RSPO4: variants seen among roughly 807,000 people sequenced by gnomAD.
RSPO4 encodes R-spondin-4.
In RSPO4, 23 loss-of-function variants were observed where a neutral mutation model predicts 24.8. That is an observed-to-expected ratio of 0.93 (90% CI 0.67 to 1.31). The LOEUF (loss-of-function observed/expected upper bound fraction) is 1.31. Ranked by LOEUF, RSPO4 falls within the 40% of genes most tolerant of loss-of-function variation. The probability of loss-of-function intolerance (pLI) is 0.00; values close to 1 mark genes in which losing one functional copy is unlikely to be tolerated. For missense variants in RSPO4, 333 were observed against 316.5 expected (o/e 1.05, Z -0.39); for synonymous variants, 141 against 127.4 (o/e 1.11, Z -0.72).
chr20:967,612 A>G (rs1187631265), intron 2 of RSPO4, among the ~76,000 whole-genome samples: 2 of 152,208 alleles, frequency 1.3e-5, no homozygotes, highest in Non-Finnish European at 2.9e-5. Context: ...AGAAATAGTG[A>G]TAATTTGCCC....
At chr20:975,976 T>C (rs1326824480) in intron 1 of RSPO4, among the ~76,000 whole-genome samples, 1 of 152,152 alleles carries the variant, frequency 6.6e-6, no homozygotes, top group African/African-American at 2.4e-5. Flanking sequence ...GAATGATGTG[T>C]TTTCTGCCCT....
intron 1 of RSPO4, among the ~76,000 whole-genome samples, chr20:973,459 A>ATTGTTTGTTTGTTTGTTTGT (rs138891857): frequency 1.3e-5 from 2 of 150,522 alleles, no homozygotes; most frequent in African/African-American, 4.9e-5. Context: ...TGTTTGTTTT[A>ATTGTTTGTTTGTTTGTTTGT]TTGTTTGTTT....
intron 1 of RSPO4, among the ~76,000 whole-genome samples, chr20:993,938 C>A (rs950443801): frequency 2.0e-5 from 3 of 152,140 alleles, no homozygotes; most frequent in African/African-American, 7.2e-5. Context: ...AGGATTTGAA[C>A]CTTGGCTGAG....
Position 960,389 on chromosome 20 carries a change from C to T in RSPO4, c.673G>A (p.Val225Met), listed in dbSNP as rs768182696. The T allele has an allele frequency of 1.5e-5, 23 of 1,538,308 alleles. No homozygotes were observed. The highest frequency in any genetic ancestry group is 2.4e-5 in the South Asian group (2 of 84,122). Reference protein sequence around the residue: ...KDRKLDRRLDVRPRQPGLQP With the variant: ...KDRKLDRRLDMRPRQPGLQP ...TGCAGGCCGGGCTGGCGCGGCCTCA[C>T]GTCCAGCCTGCGGTCCAGCTTCCTG... is the stretch of plus-strand genomic sequence containing the variant. Residue 225 changes from valine (V) to methionine (M), a missense_variant, in exon 5 of 5, where the codon GTG (valine) becomes ATG (methionine). Val to Met is a conservative substitution (Grantham distance 21). Transcript: ENST00000217260.
chr20:959,425 A>C lies in RSPO4; in HGVS notation c.*932T>G, dbSNP rs1182626593. The C allele has an allele frequency of 2.0e-5, 3 of 152,440 alleles. No homozygotes were observed. The highest frequency in any genetic ancestry group is 4.4e-5 in the Non-Finnish European group (3 of 68,204). The allele number at this position is 152,440 out of a possible 1,614,324, so 9.4% of individuals were successfully genotyped here. A position where few individuals can be genotyped will look rare whatever the true frequency, so the allele number is the denominator to read the frequency against. On this transcript the variant is annotated 3_prime_UTR_variant, in exon 5 of 5. Transcript: ENST00000217260. ...AGACCTGTTTCCCCACATGGGCAGG[A>C]AGCGCTGAGGTGGGGAACAGAGCTG...
chr20:964,172 G>A (rs1177394344), intron 3 of RSPO4, 52 bp from the exon 4 acceptor site: 5 of 1,491,514 alleles, frequency 3.4e-6, no homozygotes, highest in South Asian at 2.5e-5. Context: ...TCAGCCGGCA[G>A]TGAGGGTCCT....
chr20:979,707 C>G (rs186566461), intron 1 of RSPO4, among the ~76,000 whole-genome samples: 12 of 152,256 alleles, frequency 7.9e-5, no homozygotes, highest in African/African-American at 2.4e-4. Context: ...AACTAATAAC[C>G]CTTTACCAAC....
At chr20:983,778 A>C (rs1475687941) in intron 1 of RSPO4, among the ~76,000 whole-genome samples, 2 of 152,194 alleles carry the variant, frequency 1.3e-5, no homozygotes, top group Non-Finnish European at 2.9e-5. Context: ...AGCTGCTAGC[A>C]GTTGTGGATC....
intron 1 of RSPO4, among the ~76,000 whole-genome samples, chr20:976,229 T>C (rs1984555670): frequency 1.3e-5 from 2 of 152,220 alleles, no homozygotes; most frequent in East Asian, 3.9e-4. Flanking sequence ...CTCACCATCA[T>C]GACACACAGT....
intron 3 of RSPO4, 79 bp downstream of exon 3, chr20:967,095 G>T: frequency 7.0e-7 from 1 of 1,422,112 alleles, no homozygotes. Flanking sequence ...TTTCTTCCAG[G>T]GCCCCTAACA....
intron 4 of RSPO4, 72 bp from the exon 5 acceptor site, chr20:960,538 T>G (rs2122203479): frequency 8.5e-7 from 1 of 1,173,374 alleles, no homozygotes; most frequent in Admixed American, 2.0e-5. Context: ...TCCTCAGTCC[T>G]GAAAGACAAG....
intron 3 of RSPO4, among the ~76,000 whole-genome samples, chr20:964,805 T>TACAC (rs1296396413): frequency 3.3e-4 from 29 of 89,002 alleles, no homozygotes; most frequent in Admixed American, 5.5e-4. Context: ...TATACACACA[T>TACAC]ACACACACAC....
intron 4 of RSPO4, among the ~76,000 whole-genome samples, chr20:961,380 C>T (rs1248416166): frequency 6.6e-6 from 1 of 152,204 alleles, no homozygotes; most frequent in African/African-American, 2.4e-5. Flanking sequence ...AGGTGCGCAG[C>T]GAGGCTGTTA....
chr20:972,456 A>G (rs1176199033), intron 1 of RSPO4, among the ~76,000 whole-genome samples: 1 of 152,200 alleles, frequency 6.6e-6, no homozygotes, highest in African/African-American at 2.4e-5. Flanking sequence ...TTATGCCCTG[A>G]CCAATGGGAT....
At chr20:979,707 C>T (rs186566461) in intron 1 of RSPO4, among the ~76,000 whole-genome samples, 1 of 152,138 alleles carries the variant, frequency 6.6e-6, no homozygotes, top group African/African-American at 2.4e-5. Context: ...AACTAATAAC[C>T]CTTTACCAAC....
rs1555797904 is a variant in RSPO4, at chr20:998,985, C to CTCTTTT, written c.79+3100_79+3101insAAAAGA. On this transcript the variant is annotated intron_variant, in intron 1 of 4. Transcript: ENST00000217260. Reference sequence around the variant, plus strand: ...GGGAAAGGTCACTCTCTCTCGCTCTCTTTTTTTTTTTTTTTTTTTGAGACA... The same window carrying CTCTTTT: ...GGGAAAGGTCACTCTCTCTCGCTCTCTCTTTTTTTTTTTTTTTTTTTTTTTGAGACA... Among the ~76,000 whole-genome samples the CTCTTTT allele has an allele frequency of 6.8e-5, 9 of 131,834 alleles. No individual in the cohort carries two copies. In the South Asian group the frequency reaches 7.1e-4, roughly 10 times the overall value. 86.5% of individuals were successfully genotyped at this position (131,834 alleles called of 152,430 possible).
rs564534973 is a variant in RSPO4 at position 967,229 on chromosome 20, A to G, written c.354T>C (p.Cys118=). The G allele has an allele frequency of 1.3e-5, 21 of 1,614,196 alleles. No homozygotes were observed. The South Asian group carries it at 2.3e-4, about 18-fold the overall frequency. Residue 118 remains cysteine (C), a synonymous_variant, in exon 3 of 5, where the codon TGT becomes TGC. Coordinates refer to ENST00000217260, the MANE Select transcript of RSPO4 (RefSeq NM_001029871.4). ...AAGTGCCCGGCGGGCAGGTGGGCAG[A>G]CACTTCCCCTTGTACAAGTAAAACT... ...KRQFYLYKGK[C]LPTCPPGTLA... is the part of the protein sequence containing the mutation.
At chr20:962,178 T>C (rs1984019562) in intron 4 of RSPO4, among the ~76,000 whole-genome samples, 1 of 152,172 alleles carries the variant, frequency 6.6e-6, no homozygotes, top group East Asian at 1.9e-4. Context: ...AAACAGACGC[T>C]GAACAAGCAA....
intron 1 of RSPO4, among the ~76,000 whole-genome samples, chr20:997,155 G>T (rs1033292979): frequency 6.6e-6 from 1 of 152,176 alleles, no homozygotes; most frequent in African/African-American, 2.4e-5. Flanking sequence ...GTGAGGACGC[G>T]CAGCCCCACC....
Sources: gnomAD v4.1 joint callset for allele counts (sites outside exome capture counted in the v4.1 genomes callset) on GRCh38, gnomAD v4.1.1 for gene constraint, MANE v1.5 for transcripts, NCBI Gene and HGNC (gene_info 2026-07-23, HGNC 2026-07-21) for gene names.